The following MTHFD1L variants were observed in gnomAD, a reference collection of about 807,000 sequenced individuals.
MTHFD1L encodes methylenetetrahydrofolate dehydrogenase (NADP+ dependent) 1 like.
In MTHFD1L, 81 loss-of-function variants were observed where a neutral mutation model predicts 119.5. The observed-to-expected ratio is 0.68, with a 90% CI of 0.57 to 0.82. The LOEUF is 0.82. MTHFD1L is among the 40% of genes least tolerant of loss of function. The pLI is 0.00. For missense variants in MTHFD1L, 1,125 were observed against 1,253.4 expected (o/e 0.90, Z 1.55); for synonymous variants, 430 against 475.2 (o/e 0.90, Z 1.24).
chr6:150,973,017 C>T (rs1480434950), intron 20 of MTHFD1L, among the ~76,000 whole-genome samples: 1 of 152,150 alleles, frequency 6.6e-6, no homozygotes, highest in African/African-American at 2.4e-5. Flanking sequence ...AAGACAAAAC[C>T]AAAACACAGG....
chr6:151,087,732 C>G (rs1420998076), intron 26 of MTHFD1L, among the ~76,000 whole-genome samples: 1 of 152,178 alleles, frequency 6.6e-6, no homozygotes, highest in Non-Finnish European at 1.5e-5. Context: ...ACTATTCTCT[C>G]TGTACAGATT....
chr6:150,918,555 T>C (rs1788382779), intron 8 of MTHFD1L, 22 bp from the exon 9 acceptor site: 3 of 1,569,602 alleles, frequency 1.9e-6, no homozygotes, highest in Non-Finnish European at 2.6e-6. Flanking sequence ...AAAGTCTTTT[T>C]TTTCCCTCCA....
chr6:151,085,451 C>A (rs1236148556), intron 26 of MTHFD1L, among the ~76,000 whole-genome samples: 33 of 152,126 alleles, frequency 2.2e-4, no homozygotes, highest in Non-Finnish European at 8.8e-5. Context: ...TCTGTTCGTT[C>A]TTTTGAAGTG....
At chr6:150,868,909 A>T (rs978970496) in intron 1 of MTHFD1L, among the ~76,000 whole-genome samples, 1 of 152,104 alleles carries the variant, frequency 6.6e-6, no homozygotes, top group African/African-American at 2.4e-5. Flanking sequence ...AAAAAATTTT[A>T]AAAAATTAAC....
At chr6:151,010,221 A>G (rs1230040610) in intron 21 of MTHFD1L, among the ~76,000 whole-genome samples, 1 of 152,138 alleles carries the variant, frequency 6.6e-6, no homozygotes, top group East Asian at 1.9e-4. Flanking sequence ...AGTTCTTTCT[A>G]AACAATATTT....
At chr6:150,978,271 A>G (rs6936332) in intron 20 of MTHFD1L, among the ~76,000 whole-genome samples, 66,085 of 151,904 alleles carry the variant, frequency 0.44, 16,670 homozygotes, top group African/African-American at 0.66. Flanking sequence ...TAAGAGAGAG[A>G]AAGAACTGTT....
At chr6:150,908,848 TC>T (rs998514501) in intron 8 of MTHFD1L, among the ~76,000 whole-genome samples, 3 of 152,206 alleles carry the variant, frequency 2.0e-5, no homozygotes, top group Non-Finnish European at 4.4e-5. Flanking sequence ...CCTCTTTTTT[TC>T]ATAATCCCAC....
intron 11 of MTHFD1L, chr6:150,935,377 C>G: frequency 6.2e-7 from 1 of 1,613,906 alleles, no homozygotes; most frequent in Non-Finnish European, 8.5e-7. Flanking sequence ...ACAAACAAGA[C>G]TTGAGGAACT....
At chr6:150,890,342 C>T (rs1375452037) in intron 7 of MTHFD1L, among the ~76,000 whole-genome samples, 2 of 152,024 alleles carry the variant, frequency 1.3e-5, no homozygotes, top group Non-Finnish European at 2.9e-5. Flanking sequence ...GTCTTGGCCC[C>T]TTTCTGCTGT....
chr6:151,001,882 T>G (rs777988697), intron 20 of MTHFD1L, among the ~76,000 whole-genome samples: 1 of 152,080 alleles, frequency 6.6e-6, no homozygotes, highest in Non-Finnish European at 1.5e-5. Context: ...ATTTATAATC[T>G]CTAAATGAAT....
At chr6:150,907,743 G>C (rs964903244) in intron 8 of MTHFD1L, among the ~76,000 whole-genome samples, 1 of 152,150 alleles carries the variant, frequency 6.6e-6, no homozygotes, top group African/African-American at 2.4e-5. Context: ...TAAGTGAAAA[G>C]GTTGTAAATC....
At chr6:151,040,478 A>C (rs142851382) in intron 26 of MTHFD1L, among the ~76,000 whole-genome samples, 4 of 151,304 alleles carry the variant, frequency 2.6e-5, no homozygotes, top group African/African-American at 9.7e-5. Context: ...TTGGAAGCCA[A>C]GGTAGAAGGA....
chr6:151,099,911 T>A (rs1035563223), intron 27 of MTHFD1L: 2 of 1,316,270 alleles, frequency 1.5e-6, no homozygotes, highest in South Asian at 2.4e-5. Context: ...AGTGCCAGGC[T>A]GTGCAGCGAA....
intron 27 of MTHFD1L, among the ~76,000 whole-genome samples, chr6:151,100,728 G>A (rs1365915679): frequency 6.6e-6 from 1 of 151,702 alleles, no homozygotes; most frequent in African/African-American, 2.4e-5. Flanking sequence ...TAGCCTTTGG[G>A]AGAAAGCAGC....
intron 12 of MTHFD1L, among the ~76,000 whole-genome samples, chr6:150,937,379 C>T (rs150026498): frequency 6.5e-4 from 99 of 152,234 alleles, no homozygotes; most frequent in Non-Finnish European, 1.2e-3. Context: ...CTGTGGACAG[C>T]GAGTCGTGAT....
At chr6:150,998,623 G>T in intron 20 of MTHFD1L, among the ~76,000 whole-genome samples, 1 of 149,444 alleles carries the variant, frequency 6.7e-6, no homozygotes, top group South Asian at 2.1e-4. Context: ...ACCTGATCTC[G>T]TGTGGCGGGT....
chr6:150,889,093 C>G (rs917742625), intron 7 of MTHFD1L, among the ~76,000 whole-genome samples: 1 of 151,944 alleles, frequency 6.6e-6, no homozygotes, highest in African/African-American at 2.4e-5. Context: ...AGGAGAATCG[C>G]TTGAACCCGG....
chr6:150,969,061 C>G (rs1797659199), intron 19 of MTHFD1L, among the ~76,000 whole-genome samples: 2 of 151,958 alleles, frequency 1.3e-5, no homozygotes, highest in South Asian at 4.1e-4. Context: ...GTTGGCCAGG[C>G]TGGTCTCGAA....
At chr6:150,953,300 A>G (rs1795115915) in intron 16 of MTHFD1L, among the ~76,000 whole-genome samples, 1 of 152,186 alleles carries the variant, frequency 6.6e-6, no homozygotes, top group Admixed American at 6.5e-5. Context: ...TCAGCACTGT[A>G]GTATAGTCAG....
Sources: gnomAD v4.1 joint callset for allele counts (sites outside exome capture counted in the v4.1 genomes callset) on GRCh38, gnomAD v4.1.1 for gene constraint, MANE v1.5 for transcripts, NCBI Gene and HGNC (gene_info 2026-07-23, HGNC 2026-07-21) for gene names.